Variants in HSF5 observed in about 807,000 individuals in gnomAD.
HSF5 encodes the protein heat shock factor protein 5.
Under a neutral mutation model 50.8 loss-of-function variants are expected in HSF5, and 5 were observed. The observed-to-expected ratio is 0.10, with a 90% CI of 0.05 to 0.21. HSF5 has a LOEUF of 0.21. HSF5 is among the 10% of genes least tolerant of loss of function. HSF5 has a pLI of 1.00. For synonymous variants in HSF5, 307 were observed against 307.4 expected (o/e 1.00, Z 0.02); for missense variants, 564 against 762.6 (o/e 0.74, Z 3.07).
chr17:58,476,869 T>C (rs570659011), intron 2 of HSF5: 6 of 1,251,764 alleles, frequency 4.8e-6, no homozygotes, highest in Non-Finnish European at 6.8e-6. Flanking sequence ...CTTCTTGCTG[T>C]TTTTTTTTTC....
At chr17:58,427,229 C>A (rs1974308043) in intron 5 of HSF5, among the ~76,000 whole-genome samples, 1 of 152,096 alleles carries the variant, frequency 6.6e-6, no homozygotes, top group East Asian at 1.9e-4. Context: ...CACACCACTG[C>A]ACTCAGACTA....
At chr17:58,470,023 T>C (rs1227627286) in intron 2 of HSF5, among the ~76,000 whole-genome samples, 1 of 152,174 alleles carries the variant, frequency 6.6e-6, no homozygotes, top group Non-Finnish European at 1.5e-5. Context: ...AATAGTATAA[T>C]GTCAACAGTG....
At position 58,479,955 on chromosome 17, in the gene HSF5, G is replaced by A; in HGVS notation, c.863C>T (p.Ser288Phe). Residue 288 changes from serine to phenylalanine, a missense_variant, in exon 2 of 6, where the codon TCC becomes TTC. By Grantham distance (155) the Ser-to-Phe change is radical. This residue lies in a region of HSF5 where 441 missense variants were observed against 533.6 expected (regional missense o/e 0.83). Coordinates refer to ENST00000323777, the MANE Select transcript of HSF5 (RefSeq NM_001080439.3). ...VQQGPQTMVS[S>F]SQKYSNYTPS... The stretch of plus-strand genomic sequence containing the variant: ...TGTGTAGTTACTGTATTTTTGGGAG[G>A]AGCTGACCATTGTTTGAGGACCTTG... The A allele has an allele frequency of 6.2e-7, 1 of 1,614,076 alleles. No homozygotes were observed. The highest frequency in any genetic ancestry group is 8.5e-7 in the Non-Finnish European group (1 of 1,179,964).
At chr17:58,428,677 A>G (rs1404673450) in intron 5 of HSF5, among the ~76,000 whole-genome samples, 1 of 152,090 alleles carries the variant, frequency 6.6e-6, no homozygotes, top group East Asian at 1.9e-4. Flanking sequence ...ATAAAAAACC[A>G]CAACGAATTA....
chr17:58,458,207 G>A (rs1462570634), intron 5 of HSF5, among the ~76,000 whole-genome samples: 4 of 152,142 alleles, frequency 2.6e-5, no homozygotes, highest in Admixed American at 2.6e-4. Context: ...ATATGATTTT[G>A]TCTTATTAGA....
intron 2 of HSF5, chr17:58,476,853 C>A: frequency 1.4e-6 from 2 of 1,417,474 alleles, no homozygotes. Flanking sequence ...TCAATGTGTT[C>A]AATTGCTTCT....
chr17:58,432,139 A>G (rs1974373025), intron 5 of HSF5, among the ~76,000 whole-genome samples: 1 of 152,224 alleles, frequency 6.6e-6, no homozygotes, highest in Non-Finnish European at 1.5e-5. Flanking sequence ...AAAGTACATT[A>G]GTAAGATAAG....
chr17:58,463,252 G>A lies in HSF5; in HGVS notation c.1072C>T (p.Pro358Ser), dbSNP rs547910825. The change falls in exon 4 of 6, where the codon CCC becomes TCC. Residue 358 changes from proline to serine, a missense_variant. Pro to Ser is a moderately conservative substitution (Grantham distance 74). Transcript: ENST00000323777. The stretch of plus-strand genomic sequence containing the variant: ...GTATTTTCATCAGTAGTACTGCAGG[G>A]CCAATTGGAAGGCAAAAATTCAACT... ...YPVEFLPSNWPCSTTDENTKT... is the reference protein window; with the variant it reads ...YPVEFLPSNWSCSTTDENTKT... 2.5e-6 allele frequency: 4 copies of A among 1,613,852 alleles called. No homozygotes were observed. In the South Asian group the frequency reaches 4.4e-5, roughly 18 times the overall value.
At position 58,422,040 on chromosome 17, in the gene HSF5, C is replaced by A; in HGVS notation, c.*320G>T. On this transcript the variant is annotated 3_prime_UTR_variant, in exon 6 of 6. Transcript: ENST00000323777. ...CAAATCAGCACACACACAGATTATT[C>A]TTAGTACCATAGATGGAGCAGTTTT... 1 of 234,214 alleles carries A rather than the reference C, an allele frequency of 4.3e-6. No individual in the cohort carries two copies. Among genetic ancestry groups the A allele is most frequent in the East Asian group, 1.1e-4 (1 of 9,282 alleles). 14.5% of individuals were successfully genotyped at this position (234,214 alleles called of 1,614,324 possible).
chr17:58,441,335 T>C (rs1974495500), intron 5 of HSF5, among the ~76,000 whole-genome samples: 1 of 152,094 alleles, frequency 6.6e-6, no homozygotes, highest in Non-Finnish European at 1.5e-5. Flanking sequence ...ATAATGGAAA[T>C]ACAACACCAA....
chr17:58,477,489 T>A (rs1491002818), intron 2 of HSF5, among the ~76,000 whole-genome samples: 1 of 136,774 alleles, frequency 7.3e-6, no homozygotes, highest in Non-Finnish European at 1.6e-5. Context: ...AGACGGAGTC[T>A]CGCTCTGTCG....
chr17:58,450,246 C>T (rs1462813235), intron 5 of HSF5, among the ~76,000 whole-genome samples: 2 of 121,864 alleles, frequency 1.6e-5, no homozygotes, highest in East Asian at 5.1e-4. Flanking sequence ...GGCTGAGGCA[C>T]GAGAATCATT....
chr17:58,453,757 T>A (rs1346136031), intron 5 of HSF5, among the ~76,000 whole-genome samples: 1 of 152,028 alleles, frequency 6.6e-6, no homozygotes. Context: ...GAAAACCACA[T>A]GATCATTTCA....
At chr17:58,456,387 T>C (rs1320918600) in intron 5 of HSF5, among the ~76,000 whole-genome samples, 8 of 152,034 alleles carry the variant, frequency 5.3e-5, no homozygotes. Flanking sequence ...GAAAGTAGAA[T>C]AGTAAATACC....
At chr17:58,478,595 C>T (rs996823367) in intron 2 of HSF5, among the ~76,000 whole-genome samples, 2 of 150,988 alleles carry the variant, frequency 1.3e-5, no homozygotes, top group African/African-American at 4.9e-5. Flanking sequence ...GGCAGGGTGG[C>T]TCACTCCCGT....
In HSF5 at chr17:58,421,943, A is replaced by C. The variant is rs1974233885; in HGVS notation, c.*417T>G. The C allele has an allele frequency of 1.3e-5, 2 of 158,898 alleles. No homozygotes were observed. Among genetic ancestry groups the C allele is most frequent in the Admixed American group, 1.2e-4 (2 of 16,180 alleles). 9.8% of individuals were successfully genotyped at this position (158,898 alleles called of 1,614,324 possible). On this transcript the variant is annotated 3_prime_UTR_variant, in exon 6 of 6. Coordinates refer to ENST00000323777, the MANE Select transcript of HSF5 (RefSeq NM_001080439.3). ...ACACAATCTCCTCTAAAAGGATCAC[A>C]CTGTGACTTGAATCAGAGAGACTGA... is the stretch of plus-strand genomic sequence containing the variant.
At chr17:58,442,170 G>T (rs947144117) in intron 5 of HSF5, among the ~76,000 whole-genome samples, 19 of 152,324 alleles carry the variant, frequency 1.2e-4, no homozygotes, top group African/African-American at 4.6e-4. Context: ...ATTTGGCAGA[G>T]GCTGTCCCCC....
intron 4 of HSF5, 24 bp from the exon 5 acceptor site, chr17:58,458,969 A>T (rs771071532): frequency 2.5e-6 from 4 of 1,581,720 alleles, no homozygotes; most frequent in Non-Finnish European, 3.4e-6. Context: ...CCCATTCATT[A>T]TTTGAGATTT....
chr17:58,458,929 T>C lies in HSF5; in HGVS notation c.1559A>G (p.Lys520Arg). ...ATTCTCACGTGAACTGGTCTGGCAT[T>C]TTATGTTGGCATCCACCTAAAATAT... ...FSTHQVDANI[K>R]CQTSSRENIL... Residue 520 changes from lysine to arginine, a missense_variant, in exon 5 of 6, where the codon AAA becomes AGA. This residue lies in a region of HSF5 where 441 missense variants were observed against 533.6 expected (regional missense o/e 0.83). Coordinates refer to ENST00000323777, the MANE Select transcript of HSF5 (RefSeq NM_001080439.3). 1 of 1,609,296 alleles carries C rather than the reference T, an allele frequency of 6.2e-7. No homozygotes were observed. Among genetic ancestry groups the C allele is most frequent in the South Asian group, 1.1e-5 (1 of 89,756 alleles).
Sources: gnomAD v4.1 joint callset for allele counts (sites outside exome capture counted in the v4.1 genomes callset) on GRCh38, gnomAD v4.1.1 for gene constraint, gnomAD v4.1.1 regional missense constraint, MANE v1.5 for transcripts, NCBI Gene and HGNC (gene_info 2026-07-23, HGNC 2026-07-21) for gene names.